The following SESN3 variants were observed in gnomAD, a reference collection of about 807,000 sequenced individuals.
SESN3 encodes the protein sestrin-3.
A neutral mutation model predicts 55.3 loss-of-function variants in SESN3; 21 were observed. The ratio of observed to expected loss-of-function variants is 0.38; its 90% CI spans 0.27 to 0.55. SESN3 has a LOEUF of 0.55. Among genes scored for constraint, SESN3 ranks in the 20% least tolerant of loss-of-function variants. SESN3 has a pLI of 0.76. For missense variants in SESN3, 408 were observed against 604.3 expected (o/e 0.68, Z 3.41); for synonymous variants, 181 against 203.1 (o/e 0.89, Z 0.93).
chr11:95,213,868 C>T (rs1412137148), intron 1 of SESN3, among the ~76,000 whole-genome samples: 2 of 151,716 alleles, frequency 1.3e-5, no homozygotes, highest in African/African-American at 4.8e-5. Flanking sequence ...AATTATCATT[C>T]ATTAATTCAG....
chr11:95,195,700 C>T (rs1288073077), intron 1 of SESN3, among the ~76,000 whole-genome samples: 1 of 152,148 alleles, frequency 6.6e-6, no homozygotes, highest in African/African-American at 2.4e-5. Flanking sequence ...TATAAAGAGA[C>T]TTGGGACATA....
At chr11:95,182,352 C>T (rs997234638) in intron 6 of SESN3, among the ~76,000 whole-genome samples, 2 of 152,144 alleles carry the variant, frequency 1.3e-5, no homozygotes, top group African/African-American at 4.8e-5. Flanking sequence ...AACCTCACCT[C>T]TTCTCTCTGG....
chr11:95,199,011 A>ACAG (rs1860414759), intron 1 of SESN3, among the ~76,000 whole-genome samples: 1 of 152,184 alleles, frequency 6.6e-6, no homozygotes, highest in Admixed American at 6.5e-5. Context: ...AATCTTAATA[A>ACAG]CAGAAAAGTT....
intron 3 of SESN3, 94 bp downstream of exon 3, chr11:95,191,310 G>C: frequency 1.1e-6 from 1 of 936,408 alleles, no homozygotes; most frequent in African/African-American, 1.6e-5. Flanking sequence ...ATTATACTTA[G>C]CTCTATACAC....
intron 1 of SESN3, among the ~76,000 whole-genome samples, chr11:95,196,790 G>A (rs780349724): frequency 1.1e-4 from 17 of 152,180 alleles, no homozygotes; most frequent in Non-Finnish European, 2.1e-4. Flanking sequence ...AGTTCTACCG[G>A]ACAGTGCTGC....
intron 3 of SESN3, among the ~76,000 whole-genome samples, 167 bp from the exon 4 acceptor site, chr11:95,190,128 A>C (rs552681866): frequency 1.6e-4 from 25 of 152,006 alleles, no homozygotes; most frequent in Admixed American, 2.6e-4. Flanking sequence ...TAATAGATTC[A>C]ATACATGAAG....
intron 1 of SESN3, among the ~76,000 whole-genome samples, chr11:95,209,418 G>A (rs926793982): frequency 4.0e-5 from 6 of 151,586 alleles, no homozygotes; most frequent in African/African-American, 1.5e-4. Flanking sequence ...GAAAGGATGT[G>A]GAGAAAATAG....
At chr11:95,199,592 A>G (rs1860425033) in intron 1 of SESN3, among the ~76,000 whole-genome samples, 1 of 152,110 alleles carries the variant, frequency 6.6e-6, no homozygotes, top group South Asian at 2.1e-4. Context: ...TAAAATTGTG[A>G]GTCTTTAGGA....
chr11:95,189,169 G>GCTAA (rs1295427330), intron 4 of SESN3, among the ~76,000 whole-genome samples: 1 of 151,880 alleles, frequency 6.6e-6, no homozygotes, highest in African/African-American at 2.4e-5. Context: ...CAAGAATAGT[G>GCTAA]CTAAGCATAT....
chr11:95,174,232 G>T (rs1315115271), intron 9 of SESN3, among the ~76,000 whole-genome samples: 2 of 152,116 alleles, frequency 1.3e-5, no homozygotes, highest in Admixed American at 6.5e-5. Flanking sequence ...TTCCTAAAAA[G>T]ATTTTCTTAC....
chr11:95,220,281 G>C (rs1461616789), intron 1 of SESN3, among the ~76,000 whole-genome samples: 1 of 152,084 alleles, frequency 6.6e-6, no homozygotes, highest in Non-Finnish European at 1.5e-5. Flanking sequence ...CAAAAAGTAA[G>C]AATATTTCTT....
At chr11:95,188,083 A>C (rs1232428102) in intron 4 of SESN3, among the ~76,000 whole-genome samples, 1 of 151,696 alleles carries the variant, frequency 6.6e-6, no homozygotes, top group Non-Finnish European at 1.5e-5. Context: ...CAGTCTGTAC[A>C]ATCTGTAATT....
intron 1 of SESN3, among the ~76,000 whole-genome samples, chr11:95,223,989 T>C (rs552218125): frequency 6.6e-4 from 100 of 152,140 alleles, no homozygotes; most frequent in African/African-American, 2.2e-3. Flanking sequence ...AAATCACATA[T>C]TTTTTGGAAT....
At chr11:95,229,680 A>T (rs540220314) in intron 1 of SESN3, among the ~76,000 whole-genome samples, 23 of 150,504 alleles carry the variant, frequency 1.5e-4, no homozygotes, top group Admixed American at 4.0e-4. Flanking sequence ...TTCCTTTTTT[A>T]AAAAAAAATG....
chr11:95,184,127 A>C (rs1476197222), intron 6 of SESN3: 1 of 396,022 alleles, frequency 2.5e-6, no homozygotes, highest in East Asian at 3.6e-5. Context: ...AAAGTAGGAT[A>C]AATTAAATAT....
intron 4 of SESN3, among the ~76,000 whole-genome samples, chr11:95,187,801 C>T (rs776938641): frequency 1.3e-5 from 2 of 151,768 alleles, no homozygotes; most frequent in Non-Finnish European, 2.9e-5. Flanking sequence ...AGTTACAGAC[C>T]TGTATTTCCT....
chr11:95,211,256 A>G (rs1031452039), intron 1 of SESN3, among the ~76,000 whole-genome samples: 4 of 152,114 alleles, frequency 2.6e-5, no homozygotes, highest in African/African-American at 7.2e-5. Flanking sequence ...TTCCAAGTGC[A>G]CTGCATGGTG....
intron 7 of SESN3, 130 bp downstream of exon 7, chr11:95,178,580 G>A (rs551308075): frequency 1.5e-4 from 93 of 630,416 alleles, no homozygotes; most frequent in Middle Eastern, 7.8e-4. Flanking sequence ...AGATTAGGCT[G>A]AAACTAGGTT....
At chr11:95,197,766 T>C (rs558546774) in intron 1 of SESN3, among the ~76,000 whole-genome samples, 1 of 152,246 alleles carries the variant, frequency 6.6e-6, no homozygotes, top group Admixed American at 6.5e-5. Context: ...GACTATATTG[T>C]AGGGAAGACG....
Sources: gnomAD v4.1 joint callset for allele counts (sites outside exome capture counted in the v4.1 genomes callset) on GRCh38, gnomAD v4.1.1 for gene constraint, MANE v1.5 for transcripts, NCBI Gene and HGNC (gene_info 2026-07-23, HGNC 2026-07-21) for gene names.